Variants in EHHADH observed in about 807,000 individuals in gnomAD.
EHHADH encodes the protein peroxisomal bifunctional enzyme.
EHHADH carries 48 observed loss-of-function variants against 64.4 expected under a neutral mutation model. The observed-to-expected ratio is 0.75, with a 90% CI of 0.59 to 0.95. The LOEUF (loss-of-function observed/expected upper bound fraction) is 0.95, where lower values mean the gene tolerates loss of function less well. EHHADH is among the 40% of genes least tolerant of loss of function. EHHADH has a pLI of 0.00. For synonymous variants in EHHADH, 308 were observed against 326.7 expected, an observed-to-expected ratio of 0.94 and a Z score of 0.62; for missense variants, 854 against 876.6, an observed-to-expected ratio of 0.97 and a Z score of 0.33.
chr3:185,224,905 C>T (rs2108641471), intron 4 of EHHADH, among the ~76,000 whole-genome samples: 1 of 152,112 alleles, frequency 6.6e-6, no homozygotes, highest in East Asian at 1.9e-4. Context: ...GGGTAATCTC[C>T]CTCTCAAGAT....
At position 185,216,564 on chromosome 3, in the gene EHHADH, G is replaced by T. The variant is rs1338196002; in HGVS notation, c.568+1572C>A. ...GGAAATTTATTTCTATTTGGGCAAG[G>T]ACTTGCTGATTCTCTTTAGGGGTCT... On this transcript the variant is annotated intron_variant, in intron 5 of 6. Transcript: ENST00000231887. This position sits in a 1 kb window ranked among gnomAD's most constrained non-coding sequence, Gnocchi z 5.3. Among the ~76,000 whole-genome samples, 17 of 152,328 alleles carry T rather than the reference G, an allele frequency of 1.1e-4. No homozygotes were observed.
intron 5 of EHHADH, among the ~76,000 whole-genome samples, chr3:185,215,111 G>C (rs544548141): frequency 6.6e-6 from 1 of 152,138 alleles, no homozygotes; most frequent in Admixed American, 6.5e-5. Flanking sequence ...TTAAATCACT[G>C]ATTTTTTTAT....
intron 6 of EHHADH, among the ~76,000 whole-genome samples, chr3:185,200,217 A>G (rs1326254271): frequency 2.0e-5 from 3 of 152,126 alleles, no homozygotes; most frequent in Non-Finnish European, 4.4e-5. Context: ...CCACTTATAT[A>G]TTACTCCTCT....
At chr3:185,246,055 G>C in intron 2 of EHHADH, 1 of 1,287,626 alleles carries the variant, frequency 7.8e-7, no homozygotes, top group Non-Finnish European at 1.1e-6. Context: ...CTGGGAACTT[G>C]ACATTCTTCT....
chr3:185,230,005 G>C (rs1719109469), intron 3 of EHHADH, among the ~76,000 whole-genome samples: 1 of 152,074 alleles, frequency 6.6e-6, no homozygotes, highest in African/African-American at 2.4e-5. Context: ...GTTAAAAATG[G>C]GCAAACGATC....
intron 3 of EHHADH, among the ~76,000 whole-genome samples, chr3:185,232,622 A>G (rs1719167016): frequency 6.6e-6 from 1 of 151,982 alleles, no homozygotes; most frequent in Non-Finnish European, 1.5e-5. Context: ...CTAATTTTGT[A>G]TTTTTAGTAG....
intron 2 of EHHADH, among the ~76,000 whole-genome samples, chr3:185,244,646 T>C (rs2108651251): frequency 6.6e-6 from 1 of 152,222 alleles, no homozygotes; most frequent in Non-Finnish European, 1.5e-5. Context: ...GGTGGGCCTA[T>C]AGAAGATCAG....
intron 4 of EHHADH, among the ~76,000 whole-genome samples, chr3:185,219,185 C>T (rs773890229): frequency 6.6e-6 from 1 of 152,156 alleles, no homozygotes; most frequent in African/African-American, 2.4e-5. Context: ...TTTTGGCTAC[C>T]CAGCATCTCA....
chr3:185,202,597 G>A (rs1718259907), intron 6 of EHHADH, among the ~76,000 whole-genome samples: 1 of 152,150 alleles, frequency 6.6e-6, no homozygotes, highest in Non-Finnish European at 1.5e-5. Context: ...TAAGCAACAG[G>A]CTAGGGAGCA....
In EHHADH at chr3:185,191,981, C is replaced by A; in HGVS notation, c.*245G>T. ...CTTATGCCTGAGCCTCTTTCATTAGCTATTATGGTATTATATTCACACAAG... is the reference window on the plus strand; with the variant it reads ...CTTATGCCTGAGCCTCTTTCATTAGATATTATGGTATTATATTCACACAAG... On this transcript the variant is annotated 3_prime_UTR_variant, in exon 7 of 7. Transcript: ENST00000231887. 2.1e-6 allele frequency: 1 copy of A among 481,438 alleles called. No homozygotes were observed. The highest frequency in any genetic ancestry group is 3.6e-6 in the Non-Finnish European group (1 of 275,068). 29.8% of individuals were successfully genotyped at this position (481,438 alleles called of 1,614,324 possible).
At chr3:185,226,161 G>A (rs1718967686) in intron 4 of EHHADH, among the ~76,000 whole-genome samples, 1 of 152,180 alleles carries the variant, frequency 6.6e-6, no homozygotes, top group Non-Finnish European at 1.5e-5. Context: ...GCCAATAGGA[G>A]AGTTTAGAAA....
intron 4 of EHHADH, among the ~76,000 whole-genome samples, chr3:185,228,288 A>AGAGC (rs1560016949): frequency 7.7e-6 from 1 of 130,526 alleles, no homozygotes; most frequent in Non-Finnish European, 1.7e-5. Context: ...ATGGAGAGAG[A>AGAGC]GAGAGAGAGA....
intron 5 of EHHADH, among the ~76,000 whole-genome samples, chr3:185,212,451 C>T (rs571905907): frequency 5.3e-5 from 8 of 152,308 alleles, no homozygotes; most frequent in Non-Finnish European, 8.8e-5. Context: ...CCTTCCCACT[C>T]GTAATTGGTT....
chr3:185,192,281 T>A lies in EHHADH; in HGVS notation c.2117A>T (p.Asn706Ile), dbSNP rs56056620. Residue 706 changes from asparagine (N) to isoleucine (I), a missense_variant, in exon 7 of 7, where the codon AAC becomes ATC. Asn to Ile is a moderately radical substitution (Grantham distance 149, BLOSUM62 -3). Coordinates refer to ENST00000231887, the MANE Select transcript of EHHADH (RefSeq NM_001966.4). ...DYLKKLASQG[N>I]PPLKEWQSLA... ...GCTTTGCCATTCTTTCAGGGGAGGG[T>A]TTCCCTGAGAAGCCAGTTTTTTTAG... 4.5e-3 allele frequency: 7,270 copies of A among 1,613,598 alleles called. 24 individuals carry two copies. Among genetic ancestry groups the A allele is most frequent in the Admixed American group, 8.5e-3 (508 of 59,936 alleles).
At chr3:185,249,488 G>C (rs934227681) in intron 1 of EHHADH, among the ~76,000 whole-genome samples, 1 of 152,218 alleles carries the variant, frequency 6.6e-6, no homozygotes, top group Non-Finnish European at 1.5e-5. Flanking sequence ...ACGTCAGGGA[G>C]GGACCTAGCG....
Position 185,193,414 on chromosome 3 carries a change from C to T in EHHADH, c.984G>A (p.Ser328=), listed in dbSNP as rs372621913. ...TTGCAGTTGCTAGCTGGTTTTTGTC[C>T]GAGTCTACAGCAATCACAGGAATCC... is the stretch of plus-strand genomic sequence containing the variant. ...RARIPVIAVD[S]DKNQLATANK... The change falls in exon 7 of 7, where the codon TCG becomes TCA. Residue 328 remains serine, a synonymous_variant. Transcript: ENST00000231887. 3.2e-5 allele frequency: 52 copies of T among 1,613,954 alleles called. No individual in the cohort carries two copies. The highest frequency in any genetic ancestry group is 6.7e-5 in the Admixed American group (4 of 59,976).
chr3:185,215,415 C>T (rs927344634), intron 5 of EHHADH, among the ~76,000 whole-genome samples: 39 of 152,064 alleles, frequency 2.6e-4, no homozygotes, highest in African/African-American at 9.4e-4. Flanking sequence ...AGACTATATA[C>T]TACTGCATGA....
intron 4 of EHHADH, among the ~76,000 whole-genome samples, 171 bp downstream of exon 4, chr3:185,229,258 GAGA>G (rs1269876605): frequency 4.6e-5 from 7 of 152,218 alleles, no homozygotes; most frequent in African/African-American, 1.4e-4. Context: ...GATAACGTTT[GAGA>G]AGCTCAGAAA....
chr3:185,228,724 C>T (rs1719069328), intron 4 of EHHADH, among the ~76,000 whole-genome samples: 1 of 152,088 alleles, frequency 6.6e-6, no homozygotes, highest in Admixed American at 6.6e-5. Flanking sequence ...TAGCTGATAT[C>T]TTAATACTTG....
Sources: gnomAD v4.1 joint callset for allele counts (sites outside exome capture counted in the v4.1 genomes callset) on GRCh38, gnomAD v4.1.1 for gene constraint, Gnocchi (gnomAD v3.1) non-coding constraint, MANE v1.5 for transcripts, NCBI Gene and HGNC (gene_info 2026-07-23, HGNC 2026-07-21) for gene names.